Variants in DPP10 observed in about 807,000 individuals in gnomAD.
DPP10 encodes the protein inactive dipeptidyl peptidase 10.
Under a neutral mutation model 120.9 loss-of-function variants are expected in DPP10, and 33 were observed. The observed-to-expected ratio is 0.27, with a 90% CI of 0.21 to 0.37. The LOEUF is 0.37. DPP10 is among the 10% of genes least tolerant of loss of function. The pLI is 1.00. For missense variants in DPP10, 816 were observed against 942.8 expected, an observed-to-expected ratio of 0.87 and a Z score of 1.76; for synonymous variants, 337 against 326.1, an observed-to-expected ratio of 1.03 and a Z score of -0.36.
chr2:115,439,244 G>A (rs1227248109), intron 3 of DPP10, among the ~76,000 whole-genome samples: 3 of 150,372 alleles, frequency 2.0e-5, no homozygotes, highest in African/African-American at 7.4e-5. Flanking sequence ...GGTCATGGGA[G>A]CACAGTGTGG....
At chr2:115,594,786 G>C (rs1465356388) in intron 5 of DPP10, among the ~76,000 whole-genome samples, 1 of 152,076 alleles carries the variant, frequency 6.6e-6, no homozygotes, top group East Asian at 1.9e-4. Context: ...CATGGTGAAA[G>C]ACACAATTGA....
At chr2:114,903,390 A>T (rs187763803) in intron 1 of DPP10, among the ~76,000 whole-genome samples, 2 of 152,210 alleles carry the variant, frequency 1.3e-5, no homozygotes. Context: ...ACTATTTTGC[A>T]TTCCCACCAG....
At chr2:114,968,129 T>A (rs2104768854) in intron 1 of DPP10, among the ~76,000 whole-genome samples, 1 of 152,308 alleles carries the variant, frequency 6.6e-6, no homozygotes, top group Admixed American at 6.5e-5. Context: ...ACCTAAAGCA[T>A]AACATCTAAA....
intron 1 of DPP10, among the ~76,000 whole-genome samples, chr2:115,037,102 A>G (rs1704275164): frequency 2.0e-5 from 3 of 152,204 alleles, no homozygotes; most frequent in South Asian, 2.1e-4. Flanking sequence ...AGATCATGTG[A>G]GATTCAGGGA....
intron 3 of DPP10, among the ~76,000 whole-genome samples, chr2:115,401,668 A>G (rs2068083758): frequency 6.6e-6 from 1 of 152,184 alleles, no homozygotes; most frequent in African/African-American, 2.4e-5. Flanking sequence ...GTAAAATACA[A>G]TTAAGTAGAG....
chr2:115,483,562 G>T (rs1372593497), intron 3 of DPP10, among the ~76,000 whole-genome samples: 1 of 151,936 alleles, frequency 6.6e-6, no homozygotes, highest in Non-Finnish European at 1.5e-5. Context: ...TAGAAGAGGT[G>T]GACTTTCAAA....
At position 115,746,140 on chromosome 2, in the gene DPP10, A is replaced by G. The variant is rs771292231; in HGVS notation, c.907A>G (p.Thr303Ala). 1.2e-6 allele frequency: 2 copies of G among 1,612,942 alleles called. No homozygotes were observed. The highest frequency in any genetic ancestry group is 8.5e-7 in the Non-Finnish European group (1 of 1,179,594). The change falls in exon 10 of 26, where the codon ACT (threonine) becomes GCT (alanine). Residue 303 changes from threonine (T) to alanine (A), a missense_variant. Physicochemically the swap from Thr to Ala is moderately conservative, Grantham distance 58 (BLOSUM62 0). Around this residue, in one of 3 missense-constraint regions of DPP10, gnomAD observed 592 missense variants for 649.0 expected, o/e 0.91. Coordinates refer to ENST00000410059, the MANE Select transcript of DPP10 (RefSeq NM_020868.6). ...ATATGTTGTAAACCTGTATGGACCA[A>G]CTCACACTTTGGAGCTCATGCCACC... ...KLYVVNLYGP[T>A]HTLELMPPDS...
At chr2:115,355,348 G>T (rs999906132) in intron 3 of DPP10, among the ~76,000 whole-genome samples, 13 of 152,038 alleles carry the variant, frequency 8.6e-5, no homozygotes, top group African/African-American at 2.9e-4. Context: ...TGTTGGCCGT[G>T]TACATGTCTT....
At chr2:115,364,086 T>C (rs2106365643) in intron 3 of DPP10, among the ~76,000 whole-genome samples, 1 of 151,870 alleles carries the variant, frequency 6.6e-6, no homozygotes, top group Non-Finnish European at 1.5e-5. Context: ...AAATATTTCA[T>C]GGAATTATCC....
chr2:115,366,825 C>T (rs939662990), intron 3 of DPP10, among the ~76,000 whole-genome samples: 5 of 151,940 alleles, frequency 3.3e-5, no homozygotes, highest in African/African-American at 9.7e-5. Context: ...CTTTACTTAT[C>T]GCTCCAATTC....
chr2:115,015,829 A>T (rs545752316), intron 1 of DPP10, among the ~76,000 whole-genome samples: 1 of 152,296 alleles, frequency 6.6e-6, no homozygotes, highest in South Asian at 2.1e-4. Flanking sequence ...ACTACAAACC[A>T]TTGCTCAAGG....
chr2:114,663,668 T>TAGAGAGAGAGAGAGAGAGAGAGAGAGAG (rs1553479098), intron 1 of DPP10, among the ~76,000 whole-genome samples: 9 of 80,712 alleles, frequency 1.1e-4, no homozygotes, highest in African/African-American at 7.5e-4. Context: ...TATATATATA[T>TAGAGAGAGAGAGAGAGAGAGAGAGAGAG]AGAGAGAGAG....
intron 1 of DPP10, among the ~76,000 whole-genome samples, chr2:114,960,789 T>C (rs1408708188): frequency 6.6e-6 from 1 of 152,150 alleles, no homozygotes; most frequent in Non-Finnish European, 1.5e-5. Flanking sequence ...GCAATATGAA[T>C]TGCATTCTTC....
At chr2:114,753,902 C>A (rs1224419916) in intron 1 of DPP10, among the ~76,000 whole-genome samples, 2 of 122,596 alleles carry the variant, frequency 1.6e-5, no homozygotes, top group Non-Finnish European at 3.2e-5. Flanking sequence ...GAGTGAGACT[C>A]CTTCTCAAAA....
At chr2:114,813,289 A>C (rs995813444) in intron 1 of DPP10, among the ~76,000 whole-genome samples, 7 of 152,238 alleles carry the variant, frequency 4.6e-5, no homozygotes, top group Non-Finnish European at 1.0e-4. Flanking sequence ...CAAACTGGCT[A>C]TAAACATATT....
intron 5 of DPP10, among the ~76,000 whole-genome samples, chr2:115,581,543 T>G (rs977510182): frequency 6.6e-6 from 1 of 152,124 alleles, no homozygotes; most frequent in African/African-American, 2.4e-5. Flanking sequence ...CTATACTCTG[T>G]TATACAAAAT....
chr2:115,045,587 T>TCAC (rs1301285248), intron 1 of DPP10, among the ~76,000 whole-genome samples: 1 of 152,198 alleles, frequency 6.6e-6, no homozygotes, highest in Admixed American at 6.6e-5. Flanking sequence ...AGTCCCGCAA[T>TCAC]CACTGCACTC....
At chr2:115,415,861 A>ATATATATATT (rs2069365620) in intron 3 of DPP10, among the ~76,000 whole-genome samples, 1 of 136,242 alleles carries the variant, frequency 7.3e-6, no homozygotes, top group East Asian at 2.0e-4. Context: ...ATATATATAT[A>ATATATATATT]TATATATATA....
At chr2:114,898,824 T>C (rs1360357942) in intron 1 of DPP10, among the ~76,000 whole-genome samples, 5 of 152,114 alleles carry the variant, frequency 3.3e-5, no homozygotes, top group African/African-American at 9.7e-5. Context: ...AAGAACAGGG[T>C]TTTATTTTTT....
Sources: gnomAD v4.1 joint callset for allele counts (sites outside exome capture counted in the v4.1 genomes callset) on GRCh38, gnomAD v4.1.1 for gene constraint, gnomAD v4.1.1 regional missense constraint, MANE v1.5 for transcripts, NCBI Gene and HGNC (gene_info 2026-07-23, HGNC 2026-07-21) for gene names.